AIRIM: variants seen among roughly 807,000 people sequenced by gnomAD.
AIRIM encodes AFG2 interacting ribosome maturation factor, also known as AFG2-interacting ribosome maturation factor.
chr1:37,690,024 TTG>T, the AIRIM span: 2 of 1,422,864 alleles, frequency 1.4e-6, no homozygotes, highest in Non-Finnish European at 1.8e-6. Context: ...GGTTTTTTTT[TTG>T]TTTTTTTTTC....
At chr1:37,684,212 G>C in the AIRIM span, 1 of 152,414 alleles carries the variant, frequency 6.6e-6, no homozygotes, top group Admixed American at 6.5e-5. Flanking sequence ...GGAAACAGAA[G>C]GAAAGGACTT....
At chr1:37,691,851 G>A in the AIRIM span, among the ~76,000 whole-genome samples, 2 of 152,248 alleles carry the variant, frequency 1.3e-5, no homozygotes, top group Non-Finnish European at 2.9e-5. Flanking sequence ...GGGCGGGAGT[G>A]GCCGGCCCGC....
At chr1:37,685,183 G>A in the AIRIM span, among the ~76,000 whole-genome samples, 1 of 84,194 alleles carries the variant, frequency 1.2e-5, no homozygotes, top group African/African-American at 5.2e-5. Context: ...TCACTCGAAT[G>A]CTTTTTTTTG....
chr1:37,687,081 TGTGTG>T, the AIRIM span, among the ~76,000 whole-genome samples: 2 of 150,140 alleles, frequency 1.3e-5, no homozygotes, highest in Admixed American at 6.6e-5. Context: ...TGTGTGTGTG[TGTGTG>T]TGTGTGTGTG....
the AIRIM span, among the ~76,000 whole-genome samples, chr1:37,687,441 T>A: frequency 1.2e-3 from 183 of 148,434 alleles, no homozygotes; most frequent in East Asian, 2.9e-3. Context: ...TAATATATAT[T>A]TTTTTTTAAT....
the AIRIM span, among the ~76,000 whole-genome samples, chr1:37,689,162 C>T: frequency 6.6e-6 from 1 of 152,120 alleles, no homozygotes; most frequent in Non-Finnish European, 1.5e-5. Context: ...GCTGCGTCAC[C>T]ATGGGCAATC....
chr1:37,690,148 C>G, the AIRIM span: 1 of 1,181,816 alleles, frequency 8.5e-7, no homozygotes, highest in Non-Finnish European at 1.1e-6. Flanking sequence ...TCCCGAGTAG[C>G]TGGGAATACA....
chr1:37,686,153 C>G, the AIRIM span: 2 of 949,108 alleles, frequency 2.1e-6, no homozygotes, highest in Admixed American at 3.0e-5. Context: ...CAGGAAGAAT[C>G]CAAGTTCAGG....
the AIRIM span, chr1:37,683,239 C>T: frequency 1.4e-5 from 23 of 1,610,224 alleles, no homozygotes; most frequent in Non-Finnish European, 1.9e-5. Flanking sequence ...GCAAGGGCAC[C>T]TTCCTAATGC....
At chr1:37,683,238 C>T in the AIRIM span, 1 of 1,610,732 alleles carries the variant, frequency 6.2e-7, no homozygotes, top group African/African-American at 1.3e-5. Flanking sequence ...AGCAAGGGCA[C>T]CTTCCTAATG....
At chr1:37,690,500 G>A in the AIRIM span, 8 of 1,202,964 alleles carry the variant, frequency 6.7e-6, no homozygotes, top group Non-Finnish European at 5.3e-6. Context: ...TCCAGGGACT[G>A]CACCACGCGC....
chr1:37,688,899 G>A, the AIRIM span, among the ~76,000 whole-genome samples: 26 of 149,820 alleles, frequency 1.7e-4, no homozygotes, highest in African/African-American at 6.4e-4. Flanking sequence ...CAGGGAAATC[G>A]AGGCTACAAT....
the AIRIM span, chr1:37,681,870 G>A: frequency 6.6e-6 from 1 of 152,074 alleles, no homozygotes; most frequent in South Asian, 2.1e-4. Context: ...ATTACATTAG[G>A]TTTTTTAAAA....
the AIRIM span, among the ~76,000 whole-genome samples, chr1:37,688,308 A>G: frequency 1.3e-5 from 2 of 152,010 alleles, no homozygotes; most frequent in African/African-American, 4.8e-5. Context: ...TCTGCCTCCC[A>G]AAGTGCTGGG....
the AIRIM span, chr1:37,690,597 T>G: frequency 1.6e-6 from 1 of 629,998 alleles, no homozygotes; most frequent in African/African-American, 1.9e-5. Context: ...CGAAAATATA[T>G]CGTAGTGCCG....
chr1:37,689,825 G>A, the AIRIM span: 1 of 1,604,260 alleles, frequency 6.2e-7, no homozygotes, highest in Non-Finnish European at 8.5e-7. Context: ...CTCCACCACG[G>A]GGAAGCACTT....
At chr1:37,683,234 G>A in the AIRIM span, 7 of 1,609,164 alleles carry the variant, frequency 4.4e-6, no homozygotes, top group Non-Finnish European at 5.1e-6. Context: ...GCACAGCAAG[G>A]GCACCTTCCT....
At chr1:37,684,381 A>C in the AIRIM span, among the ~76,000 whole-genome samples, 2 of 152,160 alleles carry the variant, frequency 1.3e-5, no homozygotes, top group Admixed American at 1.3e-4. Flanking sequence ...CGAGCCTGTA[A>C]TCTCAGCACT....
chr1:37,691,533 C>A, the AIRIM span: 2 of 154,562 alleles, frequency 1.3e-5, no homozygotes, highest in East Asian at 1.9e-4. Context: ...AGCTTCGAAA[C>A]TAGCCTCTAG....
Sources: allele counts gnomAD v4.1 joint callset (sites outside exome capture counted in the v4.1 genomes callset), GRCh38; gene constraint gnomAD v4.1.1; transcripts MANE v1.5; gene names NCBI Gene and HGNC (gene_info 2026-07-23, HGNC 2026-07-21).